The following AMD1 variants were observed in gnomAD, a reference collection of about 807,000 sequenced individuals.
AMD1 encodes S-adenosylmethionine decarboxylase proenzyme.
AMD1 carries 11 observed loss-of-function variants against 40.2 expected under a neutral mutation model. The observed-to-expected ratio is 0.27, with a 90% confidence interval of 0.17 to 0.45. The LOEUF (loss-of-function observed/expected upper bound fraction) is 0.45, where lower values mean the gene tolerates loss of function less well. AMD1 is among the 20% of genes least tolerant of loss of function. The pLI, the probability that AMD1 is intolerant of heterozygous loss-of-function variation, is 1.00. For missense variants in AMD1, 257 were observed against 410.2 expected (o/e 0.63, Z 3.23); for synonymous variants, 121 against 130.8 (o/e 0.93, Z 0.51).
At chr6:110,860,606 C>T in the AMD1 span, among the ~76,000 whole-genome samples, 1 of 151,016 alleles carries the variant, frequency 6.6e-6, no homozygotes, top group Non-Finnish European at 1.5e-5. Context: ...CGCGACCAAC[C>T]TGCCCAACAT....
At chr6:110,815,161 G>C in the AMD1 span, 13 of 1,564,246 alleles carry the variant, frequency 8.3e-6, no homozygotes, top group Admixed American at 3.7e-5. Context: ...ATAGAGGCAC[G>C]GGACGCGGGG....
intron 1 of AMD1, among the ~76,000 whole-genome samples, chr6:110,875,868 C>T (rs973398915): frequency 6.6e-6 from 1 of 152,156 alleles, no homozygotes; most frequent in Admixed American, 6.5e-5. Context: ...CCCTAACATG[C>T]TCTGCGCCAG....
chr6:110,891,090 CAG>C (rs1167404688), intron 4 of AMD1: 13 of 152,308 alleles, frequency 8.5e-5, no homozygotes, highest in African/African-American at 2.9e-4. Flanking sequence ...ATGTCTCACT[CAG>C]TGGTTCTTTT....
the AMD1 span, among the ~76,000 whole-genome samples, chr6:110,844,966 C>T: frequency 1.3e-5 from 2 of 149,642 alleles, no homozygotes; most frequent in East Asian, 4.0e-4. Flanking sequence ...GGGAAGCCAG[C>T]AAATCACATG....
At chr6:110,820,284 T>C in the AMD1 span, among the ~76,000 whole-genome samples, 1 of 149,464 alleles carries the variant, frequency 6.7e-6, no homozygotes, top group Non-Finnish European at 1.5e-5. Flanking sequence ...TTGCCCAGGC[T>C]GGAGCGCAAT....
the AMD1 span, among the ~76,000 whole-genome samples, chr6:110,835,566 C>T: frequency 1.3e-5 from 2 of 151,920 alleles, no homozygotes; most frequent in Non-Finnish European, 2.9e-5. Flanking sequence ...TTGGCAAATT[C>T]TATTATTTAA....
the AMD1 span, among the ~76,000 whole-genome samples, chr6:110,860,195 C>T: frequency 7.9e-5 from 12 of 152,034 alleles, no homozygotes; most frequent in Admixed American, 3.9e-4. Flanking sequence ...TATACTGCTC[C>T]GTCTCCCCTG....
intron 3 of AMD1, 88 bp downstream of exon 3, chr6:110,889,071 T>TA (rs746497106): frequency 2.7e-6 from 4 of 1,493,434 alleles, no homozygotes; most frequent in Non-Finnish European, 3.6e-6. Flanking sequence ...TTTATATACT[T>TA]ACTGCCTTTG....
In AMD1 at chr6:110,894,265, CCT is replaced by C. The variant is rs1786188230; in HGVS notation, c.*653_*654del. ...GCATTTATAGTCCTTTGATTTCTTC[CCT>C]CTCCCTGGTGTCTCCCCCAAGACCC... On this transcript the variant is annotated 3_prime_UTR_variant, in exon 9 of 9. Transcript: ENST00000368885. 6.6e-6 allele frequency: 1 copy of C among 152,580 alleles called. No homozygotes were observed. Among genetic ancestry groups the C allele is most frequent in the Admixed American group, 6.6e-5 (1 of 15,262 alleles). The allele number at this position is 152,580 out of a possible 1,614,324, so 9.5% of individuals were successfully genotyped here.
intron 2 of AMD1, 78 bp from the exon 3 acceptor site, chr6:110,888,779 A>G: frequency 7.0e-7 from 1 of 1,429,016 alleles, no homozygotes; most frequent in South Asian, 1.4e-5. Flanking sequence ...AAAATTGTAA[A>G]TGATAATTAA....
chr6:110,844,663 C>T, the AMD1 span, among the ~76,000 whole-genome samples: 1 of 151,862 alleles, frequency 6.6e-6, no homozygotes, highest in Admixed American at 6.6e-5. Flanking sequence ...CGCCTGTAAT[C>T]CCACCTACTC....
intron 1 of AMD1, among the ~76,000 whole-genome samples, chr6:110,880,608 G>A (rs1247814758): frequency 6.6e-6 from 1 of 152,058 alleles, no homozygotes; most frequent in African/African-American, 2.4e-5. Flanking sequence ...ACTATTTGTG[G>A]AAGCGATGTT....
chr6:110,858,088 C>T, the AMD1 span, among the ~76,000 whole-genome samples: 3 of 152,034 alleles, frequency 2.0e-5, no homozygotes, highest in Non-Finnish European at 4.4e-5. Flanking sequence ...GAGTGATCCT[C>T]CCATCTTGGC....
the AMD1 span, among the ~76,000 whole-genome samples, chr6:110,829,928 C>G: frequency 6.6e-6 from 1 of 152,120 alleles, no homozygotes; most frequent in South Asian, 2.1e-4. Context: ...TTCAGTGGCT[C>G]AGACGTGTTG....
the AMD1 span, among the ~76,000 whole-genome samples, chr6:110,828,123 T>C: frequency 4.6e-5 from 7 of 152,058 alleles, no homozygotes; most frequent in African/African-American, 1.7e-4. Context: ...AAGTGAACTA[T>C]GGGATGATTT....
the AMD1 span, among the ~76,000 whole-genome samples, chr6:110,830,279 G>T: frequency 6.6e-6 from 1 of 152,102 alleles, no homozygotes; most frequent in Non-Finnish European, 1.5e-5. Flanking sequence ...CTCCCAAAGT[G>T]CTGGGATTAC....
At chr6:110,828,677 A>G in the AMD1 span, among the ~76,000 whole-genome samples, 7 of 152,300 alleles carry the variant, frequency 4.6e-5, no homozygotes, top group South Asian at 2.1e-4. Flanking sequence ...TCATAAGTTT[A>G]TGAGCAATGT....
In AMD1 at chr6:110,893,859, T is replaced by C. The variant is rs1297844936; in HGVS notation, c.*243T>C. 1 of 438,576 alleles carries C rather than the reference T, an allele frequency of 2.3e-6. No individual in the cohort carries two copies. Among genetic ancestry groups the C allele is most frequent in the Non-Finnish European group, 4.1e-6 (1 of 246,140 alleles). The allele number at this position is 438,576 out of a possible 1,614,324, so 27.2% of individuals were successfully genotyped here. On this transcript the variant is annotated 3_prime_UTR_variant, in exon 9 of 9. Coordinates refer to ENST00000368885, the MANE Select transcript of AMD1 (RefSeq NM_001634.6). ...TTCTCTGCCACTCTTGCTGTGAAAT[T>C]GAAGTGCATGTAGAAAAAACCTTTT...
At chr6:110,824,546 G>T in the AMD1 span, among the ~76,000 whole-genome samples, 1 of 152,084 alleles carries the variant, frequency 6.6e-6, no homozygotes, top group Non-Finnish European at 1.5e-5. Flanking sequence ...GTAACCAAAA[G>T]CCACTTGTAT....
Sources: gnomAD v4.1 joint callset for allele counts (sites outside exome capture counted in the v4.1 genomes callset) on GRCh38, gnomAD v4.1.1 for gene constraint, MANE v1.5 for transcripts, NCBI Gene and HGNC (gene_info 2026-07-23, HGNC 2026-07-21) for gene names.